RP1: variants seen among roughly 807,000 people sequenced by gnomAD.
RP1 encodes oxygen-regulated protein 1.
RP1 carries 16 observed loss-of-function variants against 14.8 expected under a neutral mutation model. The observed-to-expected ratio is 1.08, with a 90% CI of 0.73 to 1.65. RP1 has a LOEUF of 1.65. Ranked by LOEUF, RP1 falls within the 40% of genes most tolerant of loss-of-function variation. RP1 has a pLI of 0.00. For missense variants in RP1, 2,631 were observed against 2,535.0 expected (o/e 1.04, Z -0.81); for synonymous variants, 876 against 883.6 (o/e 0.99, Z 0.15).
intron 22 of RP1, among the ~76,000 whole-genome samples, chr8:54,768,995 CA>C (rs1413327891): frequency 2.0e-5 from 3 of 150,906 alleles, no homozygotes; most frequent in Non-Finnish European, 4.4e-5. Context: ...CTCCCAGGTT[CA>C]CGCCTTCTCC....
rs1214953601 is a variant in RP1 at position 54,726,421 on chromosome 8, G to GA, written c.2473dup (p.Ile825AsnfsTer6). ...AAAAGATCCATGAGTCAAAAAAACA[G>GA]AAAAAAATACCCCCAGAATCTGAGG... On this transcript the variant is annotated frameshift_variant, in exon 17 of 23. Transcript: ENST00000636932. LOFTEE classifies it high-confidence loss of function. 3.3e-6 allele frequency: 5 copies of GA among 1,533,594 alleles called. No homozygotes were observed. The highest frequency in any genetic ancestry group is 2.0e-5 in the Admixed American group (1 of 50,796). 95.0% of individuals were successfully genotyped at this position (1,533,594 alleles called of 1,614,324 possible). A position where few individuals can be genotyped will look rare whatever the true frequency, so the allele number is the denominator to read the frequency against.
intron 22 of RP1, among the ~76,000 whole-genome samples, chr8:54,759,710 T>C (rs1300194868): frequency 6.6e-6 from 1 of 152,204 alleles, no homozygotes; most frequent in Non-Finnish European, 1.5e-5. Flanking sequence ...TCTAGATCTT[T>C]ACTGAGCCCT....
At chr8:54,716,304 A>G (rs192405037) in intron 15 of RP1, among the ~76,000 whole-genome samples, 23 of 152,198 alleles carry the variant, frequency 1.5e-4, no homozygotes, top group Middle Eastern at 3.4e-3. Flanking sequence ...CTTGGTTTCT[A>G]TCTAGTTGAA....
At chr8:54,760,904 CTT>C in intron 22 of RP1, among the ~76,000 whole-genome samples, 1 of 152,256 alleles carries the variant, frequency 6.6e-6, no homozygotes, top group Non-Finnish European at 1.5e-5. Context: ...GTACTCAGAA[CTT>C]AGCACAGCAC....
chr8:54,818,053 G>A (rs1811175027), intron 24 of RP1, among the ~76,000 whole-genome samples: 1 of 152,150 alleles, frequency 6.6e-6, no homozygotes, highest in South Asian at 2.1e-4. Context: ...GATAAAAACA[G>A]CAAAAAGCCC....
chr8:54,843,753 C>G (rs1041077205), intron 25 of RP1, among the ~76,000 whole-genome samples: 4 of 152,136 alleles, frequency 2.6e-5, no homozygotes, highest in Non-Finnish European at 1.5e-5. Flanking sequence ...CACCCTTGCT[C>G]CAGTCCTGCA....
At chr8:54,635,640 G>A (rs1268538135), downstream of RP1, among the ~76,000 whole-genome samples, 1 of 152,070 alleles carries the variant, frequency 6.6e-6, no homozygotes, top group Non-Finnish European at 1.5e-5. Flanking sequence ...GTCCTACTTT[G>A]TCACCTTTGG....
chr8:54,601,598 GAAAA>G (rs1296926931), intron 1 of RP1, among the ~76,000 whole-genome samples: 9 of 93,682 alleles, frequency 9.6e-5, no homozygotes, highest in Non-Finnish European at 2.2e-4. Context: ...AAAAAACTTA[GAAAA>G]AAAAAAAAAA....
intron 24 of RP1, among the ~76,000 whole-genome samples, chr8:54,835,321 A>C (rs747966110): frequency 6.6e-6 from 1 of 152,218 alleles, no homozygotes; most frequent in Non-Finnish European, 1.5e-5. Flanking sequence ...GCTGTAGTAC[A>C]GTCATTTCAG....
chr8:54,683,366 G>A (rs562844803), intron 12 of RP1, among the ~76,000 whole-genome samples: 3 of 152,154 alleles, frequency 2.0e-5, no homozygotes, highest in African/African-American at 7.2e-5. Context: ...TAATGGTAAT[G>A]GCATTGGCTC....
At chr8:54,599,680 C>T (rs1805230146) in intron 1 of RP1, among the ~76,000 whole-genome samples, 1 of 152,114 alleles carries the variant, frequency 6.6e-6, no homozygotes, top group South Asian at 2.1e-4. Flanking sequence ...GTCTCAAACT[C>T]CTGACCTCAA....
At chr8:54,794,966 A>G (rs1259948384) in intron 24 of RP1, among the ~76,000 whole-genome samples, 1 of 152,066 alleles carries the variant, frequency 6.6e-6, no homozygotes, top group Admixed American at 6.6e-5. Context: ...AGACATAGAA[A>G]TGGCCAACAT....
rs770635823 is a variant in RP1 at position 54,629,615 on chromosome 8, T to C, written c.5733T>C (p.Tyr1911=). 3.1e-6 allele frequency: 5 copies of C among 1,614,014 alleles called. No individual in the cohort carries two copies. Among genetic ancestry groups the C allele is most frequent in the Non-Finnish European group, 3.4e-6 (4 of 1,180,000 alleles). Residue 1911 remains tyrosine (Y), a synonymous_variant, in exon 4 of 4, where the codon TAT becomes TAC. Coordinates refer to ENST00000220676, the MANE Select transcript of RP1 (RefSeq NM_006269.2). ...AAGCTGACTCTTTGGATAAACTGTA[T>C]GCTCTTTGTGGTCAACATTGCCCAA... is the stretch of plus-strand genomic sequence containing the variant. ...LQEADSLDKL[Y]ALCGQHCPIL...
At chr8:54,596,806 C>T (rs1327621171) in intron 1 of RP1, among the ~76,000 whole-genome samples, 1 of 152,156 alleles carries the variant, frequency 6.6e-6, no homozygotes, top group Non-Finnish European at 1.5e-5. Context: ...AATTACCCAT[C>T]TCCTTGCCTT....
intron 22 of RP1, among the ~76,000 whole-genome samples, chr8:54,759,521 T>A (rs1809587715): frequency 6.6e-6 from 1 of 152,210 alleles, no homozygotes; most frequent in African/African-American, 2.4e-5. Flanking sequence ...TGGACTTTCC[T>A]TGAGCCCCAT....
At position 54,624,785 on chromosome 8, in the gene RP1, C is replaced by G; in HGVS notation, c.903C>G (p.Ala301=). Residue 301 remains alanine (A), a synonymous_variant, in exon 4 of 4, where the codon GCC becomes GCG. Coordinates refer to ENST00000220676, the MANE Select transcript of RP1 (RefSeq NM_006269.2). ...CTTTTGTTCCTGAAAAGTACTTGGC[C>G]TTAGAAAAGAATGATTCTCAGAATT... ...DYSFVPEKYL[A]LEKNDSQNLP... is the part of the protein sequence containing the mutation. 6.2e-7 allele frequency: 1 copy of G among 1,613,916 alleles called. No individual in the cohort carries two copies. The highest frequency in any genetic ancestry group is 8.5e-7 in the Non-Finnish European group (1 of 1,179,932).
intron 3 of RP1, among the ~76,000 whole-genome samples, chr8:54,648,164 T>C (rs1004483351): frequency 2.0e-5 from 3 of 152,172 alleles, no homozygotes; most frequent in Non-Finnish European, 2.9e-5. Flanking sequence ...TTCTCAGCCA[T>C]GTGGAACTGT....
At chr8:54,697,543 G>C (rs563401861) in intron 12 of RP1, among the ~76,000 whole-genome samples, 1 of 152,188 alleles carries the variant, frequency 6.6e-6, no homozygotes, top group Middle Eastern at 3.4e-3. Context: ...CAACAAAAGC[G>C]AAACTCCATC....
chr8:54,634,380 A>G (rs780216134), downstream of RP1, among the ~76,000 whole-genome samples: 1 of 152,238 alleles, frequency 6.6e-6, no homozygotes, highest in Non-Finnish European at 1.5e-5. Flanking sequence ...CAAAAATTAC[A>G]TTCCCTGGAC....
Sources: gnomAD v4.1 joint callset for allele counts (sites outside exome capture counted in the v4.1 genomes callset) on GRCh38, gnomAD v4.1.1 for gene constraint, MANE v1.5 for transcripts, NCBI Gene and HGNC (gene_info 2026-07-23, HGNC 2026-07-21) for gene names.